Variants in PCDHA1 observed in about 807,000 individuals in gnomAD.
The protein encoded by PCDHA1 is protocadherin alpha-1.
Under a neutral mutation model 61.3 loss-of-function variants are expected in PCDHA1, and 42 were observed. The ratio of observed to expected loss-of-function variants is 0.69; its 90% CI spans 0.54 to 0.89. PCDHA1 has a LOEUF of 0.89. Among genes scored for constraint, PCDHA1 ranks in the 40% least tolerant of loss-of-function variants. PCDHA1 has a pLI of 0.00. For missense variants in PCDHA1, 1,256 were observed against 1,235.3 expected (o/e 1.02, Z -0.25); for synonymous variants, 610 against 553.8 (o/e 1.10, Z -1.43).
At chr5:140,993,462 TCACACACA>T (rs3836747) in intron 3 of PCDHA1, among the ~76,000 whole-genome samples, 8,792 of 140,974 alleles carry the variant, frequency 0.062, 316 homozygotes, top group South Asian at 0.11. Flanking sequence ...TCTTTCTTTC[TCACACACA>T]CACACACACA....
chr5:141,003,086 G>T (rs782184121), intron 3 of PCDHA1, among the ~76,000 whole-genome samples: 7 of 152,194 alleles, frequency 4.6e-5, no homozygotes, highest in Non-Finnish European at 1.0e-4. Flanking sequence ...GAGTTTAACA[G>T]GCCTGGCATT....
At chr5:140,993,358 A>G (rs1197499617) in intron 3 of PCDHA1, among the ~76,000 whole-genome samples, 7 of 151,988 alleles carry the variant, frequency 4.6e-5, no homozygotes, top group Admixed American at 4.6e-4. Context: ...AGATCCTCAC[A>G]AAAACTACCT....
chr5:140,981,959 A>C (rs76200785), intron 2 of PCDHA1, among the ~76,000 whole-genome samples: 3,104 of 152,312 alleles, frequency 0.02, 114 homozygotes, highest in African/African-American at 0.071. Flanking sequence ...TCATCTATGC[A>C]TAAAAGATAT....
chr5:140,905,248 C>T (rs143714633), intron 1 of PCDHA1, among the ~76,000 whole-genome samples: 1,610 of 152,202 alleles, frequency 0.011, 17 homozygotes, highest in African/African-American at 0.028. Flanking sequence ...TTCATTCTTC[C>T]ACATGAGGCT....
chr5:140,870,853 G>C (rs1554164757), intron 1 of PCDHA1: 2 of 1,613,888 alleles, frequency 1.2e-6, no homozygotes, highest in South Asian at 2.2e-5. Context: ...ACCGCGGTCG[G>C]TGGGTGCGGG....
intron 1 of PCDHA1, chr5:140,927,487 C>T: frequency 1.2e-6 from 2 of 1,614,142 alleles, no homozygotes; most frequent in Non-Finnish European, 1.7e-6. Context: ...GCGCGCCACC[C>T]ACCTGCTGGT....
At chr5:140,877,838 A>G (rs1395855806) in intron 1 of PCDHA1, 16 of 1,583,236 alleles carry the variant, frequency 1.0e-5, no homozygotes, top group Non-Finnish European at 1.4e-5. Flanking sequence ...CCTCCCAGTG[A>G]AGTAAGTTAT....
intron 1 of PCDHA1, among the ~76,000 whole-genome samples, chr5:140,916,217 A>T (rs1050976167): frequency 6.6e-6 from 1 of 152,132 alleles, no homozygotes; most frequent in Non-Finnish European, 1.5e-5. Context: ...GGAAGATCCA[A>T]ATATGCTTTC....
At chr5:140,809,539 T>C (rs782730163) in intron 1 of PCDHA1, 2 of 1,613,728 alleles carry the variant, frequency 1.2e-6, no homozygotes, top group Non-Finnish European at 1.7e-6. Context: ...ACAGAGAAGA[T>C]CAGCTGCAGA....
At chr5:140,985,938 A>G (rs960910585) in intron 3 of PCDHA1, among the ~76,000 whole-genome samples, 8 of 151,748 alleles carry the variant, frequency 5.3e-5, no homozygotes, top group Non-Finnish European at 8.8e-5. Context: ...CCGGGGTTTC[A>G]CTGTGTTAGC....
chr5:140,927,450 G>A (rs782619485), intron 1 of PCDHA1: 3 of 1,614,188 alleles, frequency 1.9e-6, no homozygotes, highest in South Asian at 1.1e-5. Context: ...CGGAGTTGGT[G>A]TTGGAGAAAG....
intron 1 of PCDHA1, chr5:140,802,986 G>A: frequency 6.2e-7 from 1 of 1,614,030 alleles, no homozygotes; most frequent in Non-Finnish European, 8.5e-7. Context: ...GGTGCGCGCA[G>A]TGGATGCAGA....
intron 1 of PCDHA1, chr5:140,884,079 A>T (rs2059982825): frequency 3.1e-6 from 5 of 1,613,504 alleles, no homozygotes; most frequent in Non-Finnish European, 4.2e-6. Context: ...TCGGGCTACA[A>T]TGCGTGGCTT....
chr5:140,916,174 C>A (rs2077467805), intron 1 of PCDHA1, among the ~76,000 whole-genome samples: 1 of 152,124 alleles, frequency 6.6e-6, no homozygotes, highest in Non-Finnish European at 1.5e-5. Flanking sequence ...AGGCCTGGGA[C>A]TCTTCAAGGA....
At chr5:140,832,306 A>C (rs1050909955) in intron 1 of PCDHA1, among the ~76,000 whole-genome samples, 2 of 152,188 alleles carry the variant, frequency 1.3e-5, no homozygotes, top group East Asian at 3.8e-4. Context: ...CCACATTTAA[A>C]AGTTGCTTAA....
intron 1 of PCDHA1, chr5:140,804,000 A>G (rs2240692): frequency 0.56 from 135,236 of 240,546 alleles, 39,018 homozygotes; most frequent in African/African-American, 0.7. Flanking sequence ...TGTTAGTACA[A>G]ATGTTACTTG....
chr5:140,882,510 A>G (rs1276139359), intron 1 of PCDHA1: 1 of 1,614,046 alleles, frequency 6.2e-7, no homozygotes, highest in East Asian at 2.2e-5. Context: ...AATCTGCAGA[A>G]TGGCATTTTG....
Position 140,828,302 on chromosome 5 carries a change from C to T in PCDHA1, c.2394+39618C>T, listed in dbSNP as rs2150153746. ...CCTGTTCAGGATGGCCTCCAAAGACCGCGAGGACCTTCTGGAGGTAAATCT... is the reference window on the plus strand; with the variant it reads ...CCTGTTCAGGATGGCCTCCAAAGACTGCGAGGACCTTCTGGAGGTAAATCT... On this transcript the variant is annotated intron_variant, in intron 1 of 3. Coordinates refer to ENST00000504120, the MANE Select transcript of PCDHA1 (RefSeq NM_018900.4). 3.1e-6 allele frequency: 5 copies of T among 1,614,032 alleles called. No individual in the cohort carries two copies. In the East Asian group the frequency reaches 1.1e-4, roughly 36 times the overall value.
intron 1 of PCDHA1, among the ~76,000 whole-genome samples, chr5:140,792,643 T>G (rs2149905376): frequency 6.6e-6 from 1 of 152,354 alleles, no homozygotes; most frequent in East Asian, 1.9e-4. Context: ...TATGTCATTC[T>G]GAATATCCGG....
Sources: allele counts gnomAD v4.1 joint callset (sites outside exome capture counted in the v4.1 genomes callset), GRCh38; gene constraint gnomAD v4.1.1; transcripts MANE v1.5; gene names NCBI Gene and HGNC (gene_info 2026-07-23, HGNC 2026-07-21).